Variants in CPEB4 observed in about 807,000 individuals in gnomAD.
The protein encoded by CPEB4 is cytoplasmic polyadenylation element binding protein 4.
CPEB4 carries 12 observed loss-of-function variants against 72.5 expected under a neutral mutation model. That is an observed-to-expected ratio of 0.17 (90% CI 0.11 to 0.27). The LOEUF is 0.27. CPEB4 is among the 10% of genes least tolerant of loss of function. CPEB4 has a pLI of 1.00. For synonymous variants in CPEB4, 302 were observed against 326.3 expected, an observed-to-expected ratio of 0.93 and a Z score of 0.80; for missense variants, 614 against 908.5, an observed-to-expected ratio of 0.68 and a Z score of 4.17.
rs1056702040 is a variant in CPEB4 at position 173,956,607 on chromosome 5, T to C, written c.*470T>C. 1 of 151,036 alleles carries C rather than the reference T, an allele frequency of 6.6e-6. No homozygotes were observed. The highest frequency in any genetic ancestry group is 2.4e-5 in the African/African-American group (1 of 41,340). The allele number at this position is 151,036 out of a possible 1,614,324, so 9.4% of individuals were successfully genotyped here. ...AGTGCTTTTGCCTTTTCCTTTCTTTTTTTTTTTTTTTTCATCTTTTTTGTC... is the reference window on the plus strand; with the variant it reads ...AGTGCTTTTGCCTTTTCCTTTCTTTCTTTTTTTTTTTTCATCTTTTTTGTC... On this transcript the variant is annotated 3_prime_UTR_variant, in exon 10 of 10. Coordinates refer to ENST00000265085, the MANE Select transcript of CPEB4 (RefSeq NM_030627.4).
intron 3 of CPEB4, 77 bp from the exon 4 acceptor site, chr5:173,942,949 C>G (rs1034529220): frequency 5.7e-6 from 8 of 1,406,514 alleles, no homozygotes; most frequent in South Asian, 3.8e-5. Flanking sequence ...TAGATGAAAT[C>G]ACAGTTGATT....
Position 173,956,178 on chromosome 5 carries a change from G to C in CPEB4, c.*41G>C. 6.6e-7 allele frequency: 1 copy of C among 1,511,064 alleles called. No homozygotes were observed. Among genetic ancestry groups the C allele is most frequent in the Non-Finnish European group, 9.2e-7 (1 of 1,087,810 alleles). The allele number at this position is 1,511,064 out of a possible 1,614,324, so 93.6% of individuals were successfully genotyped here. On this transcript the variant is annotated 3_prime_UTR_variant, in exon 10 of 10. Coordinates refer to ENST00000265085, the MANE Select transcript of CPEB4 (RefSeq NM_030627.4). The stretch of plus-strand genomic sequence containing the variant: ...CTCATTTTCAGGCCTCAGAATAAGT[G>C]CACTCTTCTGTTCATTCTGACCCCT...
intron 1 of CPEB4, among the ~76,000 whole-genome samples, chr5:173,906,297 A>G (rs566121254): frequency 1.5e-4 from 23 of 152,310 alleles, no homozygotes; most frequent in African/African-American, 5.5e-4. Flanking sequence ...CTATTTCCTA[A>G]TGGTACAGAC....
Position 173,957,860 on chromosome 5 carries a change from T to C in CPEB4, c.*1723T>C, listed in dbSNP as rs570027500. On this transcript the variant is annotated 3_prime_UTR_variant, in exon 10 of 10. Transcript: ENST00000265085. ...TTTTAATACAGGCTTTAATGAACTATACCTGTTAAGTTCCAAAGGTCAAAA... is the reference window on the plus strand; with the variant it reads ...TTTTAATACAGGCTTTAATGAACTACACCTGTTAAGTTCCAAAGGTCAAAA... 6.5e-6 allele frequency: 1 copy of C among 152,912 alleles called. No homozygotes were observed. Among genetic ancestry groups the C allele is most frequent in the East Asian group, 1.9e-4 (1 of 5,324 alleles). 9.5% of individuals were successfully genotyped at this position (152,912 alleles called of 1,614,324 possible).
intron 2 of CPEB4, among the ~76,000 whole-genome samples, chr5:173,924,073 C>G (rs1443505455): frequency 6.6e-6 from 1 of 152,180 alleles, no homozygotes; most frequent in Non-Finnish European, 1.5e-5. Context: ...AGCAGTCCTT[C>G]CCTTCTATGA....
intron 2 of CPEB4, among the ~76,000 whole-genome samples, chr5:173,916,860 T>TG (rs376941909): frequency 6.6e-6 from 1 of 152,210 alleles, no homozygotes; most frequent in Non-Finnish European, 1.5e-5. Context: ...AGAGAGTGGC[T>TG]GTGGGGATTA....
In CPEB4 at chr5:173,959,297, C is replaced by A. The variant is rs940070678; in HGVS notation, c.*3160C>A. On this transcript the variant is annotated 3_prime_UTR_variant, in exon 10 of 10. Coordinates refer to ENST00000265085, the MANE Select transcript of CPEB4 (RefSeq NM_030627.4). The stretch of plus-strand genomic sequence containing the variant: ...TCTGATTATTTTCTATGTAAAGGAA[C>A]CCTCTCCTTTCCCCTTCTGGTCCCT... 2 of 152,710 alleles carry A rather than the reference C, an allele frequency of 1.3e-5. No homozygotes were observed. Among genetic ancestry groups the A allele is most frequent in the African/African-American group, 4.8e-5 (2 of 41,446 alleles). 9.5% of individuals were successfully genotyped at this position (152,710 alleles called of 1,614,324 possible).
intron 2 of CPEB4, among the ~76,000 whole-genome samples, chr5:173,924,081 T>G (rs1757161765): frequency 6.6e-6 from 1 of 152,196 alleles, no homozygotes; most frequent in Non-Finnish European, 1.5e-5. Flanking sequence ...TTCCCTTCTA[T>G]GAAACCTTCC....
intron 2 of CPEB4, among the ~76,000 whole-genome samples, chr5:173,917,849 G>C (rs1324806237): frequency 1.3e-5 from 2 of 152,326 alleles, no homozygotes; most frequent in Middle Eastern, 3.4e-3. Context: ...CTGGCGAATT[G>C]AGGGATCTTT....
chr5:173,890,024 C>T lies in CPEB4; in HGVS notation c.291C>T (p.Ser97=). ...QQDPLEKQQL[S]PSPGQEAGIL... is the part of the protein sequence containing the mutation. ...ACCCCTTAGAAAAGCAGCAGCTTTC[C>T]CCAAGTCCAGGTCAGGAAGCTGGAA... Residue 97 remains serine (S), a synonymous_variant, in exon 1 of 10, where the codon TCC becomes TCT. Coordinates refer to ENST00000265085, the MANE Select transcript of CPEB4 (RefSeq NM_030627.4). 6.2e-7 allele frequency: 1 copy of T among 1,614,168 alleles called. No individual in the cohort carries two copies. Among genetic ancestry groups the T allele is most frequent in the Non-Finnish European group, 8.5e-7 (1 of 1,180,030 alleles).
intron 3 of CPEB4, among the ~76,000 whole-genome samples, chr5:173,937,340 G>A (rs758396894): frequency 3.9e-5 from 6 of 152,120 alleles, no homozygotes; most frequent in African/African-American, 4.8e-5. Context: ...ACCTCACCCG[G>A]CCCAACATCT....
intron 1 of CPEB4, among the ~76,000 whole-genome samples, chr5:173,891,106 A>T (rs1054479632): frequency 4.0e-5 from 6 of 150,584 alleles, no homozygotes; most frequent in Non-Finnish European, 7.4e-5. Context: ...GTAGCTGGTG[A>T]TGTAGTAATT....
chr5:173,944,926 A>G, intron 4 of CPEB4, 41 bp from the exon 5 acceptor site: 1 of 1,555,026 alleles, frequency 6.4e-7, no homozygotes, highest in Non-Finnish European at 8.8e-7. Context: ...AGTGGCAAGG[A>G]ACATTTTCTG....
At chr5:173,896,546 A>G (rs778790514) in intron 1 of CPEB4, among the ~76,000 whole-genome samples, 4 of 152,224 alleles carry the variant, frequency 2.6e-5, no homozygotes, top group Admixed American at 6.5e-5. Context: ...ATTATTGAGA[A>G]AGGCTATTTT....
chr5:173,890,284 A>G lies in CPEB4; in HGVS notation c.551A>G (p.Asn184Ser), dbSNP rs748551580. The G allele has an allele frequency of 1.6e-5, 26 of 1,614,026 alleles. No individual in the cohort carries two copies. Among genetic ancestry groups the G allele is most frequent in the South Asian group, 9.9e-5 (9 of 91,074 alleles). Reference protein sequence around the residue: ...AIAPSSSTIINEDASFFHQGG... With the variant: ...AIAPSSSTIISEDASFFHQGG... ...GCGCCTTCCTCCTCTACAATAATCA[A>G]TGAAGATGCAAGTTTCTTTCACCAG... Residue 184 changes from asparagine (N) to serine (S), a missense_variant, in exon 1 of 10, where the codon AAT becomes AGT. By Grantham distance (46) the Asn-to-Ser change is conservative. This residue lies in a region of CPEB4 where 458 missense variants were observed against 548.6 expected (regional missense o/e 0.83). Transcript: ENST00000265085.
chr5:173,906,494 T>G (rs1418284850), intron 1 of CPEB4, among the ~76,000 whole-genome samples: 2 of 152,228 alleles, frequency 1.3e-5, no homozygotes, highest in Non-Finnish European at 2.9e-5. Context: ...AAACTATACT[T>G]GCTAATAAGT....
intron 2 of CPEB4, among the ~76,000 whole-genome samples, chr5:173,928,990 G>A (rs947223746): frequency 6.6e-6 from 1 of 152,218 alleles, no homozygotes. Context: ...AGGTGTGTTT[G>A]CTACTAGAGA....
chr5:173,899,617 C>T (rs2113140950), intron 1 of CPEB4, among the ~76,000 whole-genome samples: 1 of 152,306 alleles, frequency 6.6e-6, no homozygotes, highest in Admixed American at 6.5e-5. Flanking sequence ...CTCCCTTCAT[C>T]TTATCCTTTC....
chr5:173,888,389 C>T lies in CPEB4; in HGVS notation c.-1345C>T, dbSNP rs953077478. ...GAGGAGAAGGACTCAGCCGCGGCTG[C>T]GGGACCCGGGCACCGGGAGGCGGTG... is the stretch of plus-strand genomic sequence containing the variant. On this transcript the variant is annotated 5_prime_UTR_variant, in exon 1 of 10. Coordinates refer to ENST00000265085, the MANE Select transcript of CPEB4 (RefSeq NM_030627.4). The surrounding 1 kb of genome is among the most constrained non-coding windows in gnomAD (Gnocchi z 4.3). 1.1e-5 allele frequency: 5 copies of T among 449,158 alleles called. No homozygotes were observed. Among genetic ancestry groups the T allele is most frequent in the South Asian group, 5.7e-5 (1 of 17,394 alleles). The allele number at this position is 449,158 out of a possible 1,614,324, so 27.8% of individuals were successfully genotyped here.
Sources: allele counts gnomAD v4.1 joint callset (sites outside exome capture counted in the v4.1 genomes callset), GRCh38; gene constraint gnomAD v4.1.1; regional missense constraint gnomAD v4.1.1; non-coding constraint Gnocchi (gnomAD v3.1); transcripts MANE v1.5; gene names NCBI Gene and HGNC (gene_info 2026-07-23, HGNC 2026-07-21).